The following RIN2 variants were observed in gnomAD, a reference collection of about 807,000 sequenced individuals.
RIN2 encodes Ras and Rab interactor 2, also known as RAB5 interacting protein 2.
Under a neutral mutation model 78.0 loss-of-function variants are expected in RIN2, and 36 were observed. That is an observed-to-expected ratio of 0.46 (90% CI 0.35 to 0.61). RIN2 has a LOEUF of 0.61. Among genes scored for constraint, RIN2 ranks in the 20% least tolerant of loss-of-function variants. RIN2 has a pLI of 0.00. For missense variants in RIN2, 1,087 were observed against 1,159.7 expected, an observed-to-expected ratio of 0.94 and a Z score of 0.91; for synonymous variants, 466 against 466.8, an observed-to-expected ratio of 1.00 and a Z score of 0.02.
chr20:19,856,028 C>T (rs574248030), intron 2 of RIN2, among the ~76,000 whole-genome samples: 11 of 152,148 alleles, frequency 7.2e-5, no homozygotes, highest in Admixed American at 2.0e-4. Context: ...GAGCAGAGAT[C>T]GCACCATTGC....
chr20:19,857,174 G>A lies in RIN2; in HGVS notation c.-36-32392G>A, dbSNP rs186439325. Among the ~76,000 whole-genome samples, 37 of 152,138 alleles carry A rather than the reference G, an allele frequency of 2.4e-4. No homozygotes were observed. In the East Asian group the frequency reaches 4.8e-3, roughly 20 times the overall value. ...CCCATTATTCTGTTTTCTATTAATAGCAATGTAGATTAGTTTTGCCTGTTA... is the reference window on the plus strand; with the variant it reads ...CCCATTATTCTGTTTTCTATTAATAACAATGTAGATTAGTTTTGCCTGTTA... On this transcript the variant is annotated intron_variant, in intron 2 of 12. Coordinates refer to ENST00000255006, the MANE Select transcript of RIN2 (RefSeq NM_018993.4).
chr20:19,931,932 A>G (rs181681015), intron 3 of RIN2, among the ~76,000 whole-genome samples: 8 of 152,324 alleles, frequency 5.3e-5, no homozygotes, highest in Admixed American at 5.2e-4. Context: ...GTGCAAGTTT[A>G]GTCTCTAAAG....
chr20:19,855,182 T>C (rs1447066162), intron 2 of RIN2, among the ~76,000 whole-genome samples: 1 of 152,202 alleles, frequency 6.6e-6, no homozygotes, highest in Non-Finnish European at 1.5e-5. Context: ...CTGAATTACA[T>C]TTATTGATTT....
chr20:19,965,909 G>A (rs375906837), intron 7 of RIN2, among the ~76,000 whole-genome samples: 15 of 152,250 alleles, frequency 9.9e-5, no homozygotes, highest in East Asian at 3.9e-4. Context: ...ACCACGCCCC[G>A]CCCAGAATCA....
intron 10 of RIN2, among the ~76,000 whole-genome samples, chr20:19,990,619 G>T (rs2042769238): frequency 6.6e-6 from 1 of 152,114 alleles, no homozygotes; most frequent in African/African-American, 2.4e-5. Flanking sequence ...CCGAGAAGAA[G>T]AAAATTAACT....
chr20:19,835,026 AAAAAG>A (rs2036370141), intron 2 of RIN2, among the ~76,000 whole-genome samples: 1 of 151,926 alleles, frequency 6.6e-6, no homozygotes. Context: ...GAGAGAGAGA[AAAAAG>A]AGAAAGAGAA....
intron 9 of RIN2, among the ~76,000 whole-genome samples, chr20:19,985,949 G>A (rs1399363723): frequency 2.0e-5 from 3 of 152,172 alleles, no homozygotes. Flanking sequence ...AAACATAGTA[G>A]GCCTCCCTGG....
At chr20:19,813,260 G>T (rs1255526833) in intron 2 of RIN2, among the ~76,000 whole-genome samples, 2 of 152,296 alleles carry the variant, frequency 1.3e-5, no homozygotes, top group East Asian at 3.9e-4. Flanking sequence ...GGGCTAATCG[G>T]CCAATAGCAG....
chr20:19,766,702 C>G (rs1205235590), intron 1 of RIN2, among the ~76,000 whole-genome samples: 4 of 152,084 alleles, frequency 2.6e-5, no homozygotes, highest in African/African-American at 9.7e-5. Flanking sequence ...AGGCAGATCA[C>G]TTGAAGTCAG....
intron 2 of RIN2, among the ~76,000 whole-genome samples, chr20:19,880,404 T>TG (rs1258471770): frequency 2.2e-5 from 3 of 135,826 alleles, no homozygotes; most frequent in African/African-American, 8.4e-5. Flanking sequence ...TTTTTTTTTT[T>TG]TTTTTTTTTT....
intron 2 of RIN2, among the ~76,000 whole-genome samples, chr20:19,867,451 T>G (rs1200804376): frequency 6.6e-6 from 1 of 152,234 alleles, no homozygotes; most frequent in Non-Finnish European, 1.5e-5. Context: ...AGCATCCAAC[T>G]GAGGATCATT....
At chr20:19,992,382 A>G (rs2042823453) in intron 11 of RIN2, 83 bp downstream of exon 11, 1 of 1,316,518 alleles carries the variant, frequency 7.6e-7, no homozygotes, top group Non-Finnish European at 1.0e-6. Context: ...CATGTCACAT[A>G]ACATTAATCA....
At chr20:19,879,904 G>A (rs1272019025) in intron 2 of RIN2, among the ~76,000 whole-genome samples, 1 of 152,108 alleles carries the variant, frequency 6.6e-6, no homozygotes, top group Non-Finnish European at 1.5e-5. Flanking sequence ...AGAACACATG[G>A]ACTCCCTAAA....
intron 7 of RIN2, among the ~76,000 whole-genome samples, chr20:19,966,743 G>A (rs2041951486): frequency 6.6e-6 from 1 of 152,198 alleles, no homozygotes; most frequent in South Asian, 2.1e-4. Context: ...CCAGCAGGAA[G>A]AAAATGAGGG....
intron 2 of RIN2, among the ~76,000 whole-genome samples, chr20:19,839,878 A>G (rs1299082123): frequency 6.6e-6 from 1 of 152,238 alleles, no homozygotes; most frequent in Admixed American, 6.5e-5. Context: ...TTAAATCAAA[A>G]GTGCTTCTGT....
chr20:19,760,571 T>C (rs1214113838), intron 1 of RIN2, among the ~76,000 whole-genome samples: 1 of 152,114 alleles, frequency 6.6e-6, no homozygotes, highest in African/African-American at 2.4e-5. Flanking sequence ...ACTTCCACTT[T>C]CCAGAAAGAA....
intron 2 of RIN2, among the ~76,000 whole-genome samples, chr20:19,838,136 G>T (rs1172145374): frequency 6.6e-6 from 1 of 152,100 alleles, no homozygotes; most frequent in African/African-American, 2.4e-5. Flanking sequence ...CTTTTAACAT[G>T]AAGTAACTTT....
At chr20:19,837,580 T>C (rs2036458070) in intron 2 of RIN2, among the ~76,000 whole-genome samples, 1 of 152,216 alleles carries the variant, frequency 6.6e-6, no homozygotes, top group South Asian at 2.1e-4. Context: ...TATTGCTGTA[T>C]TTAAATTCAT....
chr20:19,798,725 A>G (rs1474042477), intron 1 of RIN2, among the ~76,000 whole-genome samples: 1 of 152,130 alleles, frequency 6.6e-6, no homozygotes, highest in Non-Finnish European at 1.5e-5. Flanking sequence ...AATTATAAAA[A>G]TGCCCACTTC....
Sources: allele counts gnomAD v4.1 joint callset (sites outside exome capture counted in the v4.1 genomes callset), GRCh38; gene constraint gnomAD v4.1.1; transcripts MANE v1.5; gene names NCBI Gene and HGNC (gene_info 2026-07-23, HGNC 2026-07-21).